Variants in GABBR2 observed in about 807,000 individuals in gnomAD.
The protein encoded by GABBR2 is gamma-aminobutyric acid type B receptor subunit 2, also known as G-protein coupled receptor 51.
In GABBR2, 23 loss-of-function variants were observed where a neutral mutation model predicts 105.6. The observed-to-expected ratio is 0.22, with a 90% CI of 0.16 to 0.31. The LOEUF (loss-of-function observed/expected upper bound fraction) is 0.31, where lower values mean the gene tolerates loss of function less well. GABBR2 is among the 10% of genes least tolerant of loss of function. The pLI is 1.00. For missense variants in GABBR2, 734 were observed against 1,245.5 expected (o/e 0.59, Z 6.18); for synonymous variants, 478 against 499.7 (o/e 0.96, Z 0.58).
At position 98,291,230 on chromosome 9, in the gene GABBR2, TAA is replaced by T. The variant is rs376117613; in HGVS notation, c.2661-483_2661-482del. Among the ~76,000 whole-genome samples, 191 of 152,300 alleles carry T rather than the reference TAA, an allele frequency of 1.3e-3. 1 individual carries two copies. Among genetic ancestry groups the T allele is most frequent in the African/African-American group, 4.5e-3 (186 of 41,542 alleles). ...ATCATCTAACACAAGGCCTATTTTA[TAA>T]AAAAGTGTTAAATATCTCATGCAAT... On this transcript the variant is annotated intron_variant, in intron 18 of 18. Coordinates refer to ENST00000259455, the MANE Select transcript of GABBR2 (RefSeq NM_005458.8).
At chr9:98,410,796 A>G (rs1267753309) in intron 7 of GABBR2, among the ~76,000 whole-genome samples, 1 of 152,126 alleles carries the variant, frequency 6.6e-6, no homozygotes, top group Non-Finnish European at 1.5e-5. Flanking sequence ...TCTGGTATCA[A>G]TCAACATCCA....
intron 6 of GABBR2, among the ~76,000 whole-genome samples, chr9:98,461,031 C>T (rs1204661588): frequency 6.6e-6 from 1 of 152,148 alleles, no homozygotes; most frequent in Non-Finnish European, 1.5e-5. Context: ...CATCTAAAAT[C>T]CTCTATCTAG....
At chr9:98,429,897 C>T (rs1279595291) in intron 7 of GABBR2, among the ~76,000 whole-genome samples, 2 of 152,238 alleles carry the variant, frequency 1.3e-5, no homozygotes, top group Non-Finnish European at 2.9e-5. Context: ...TCCAGCCACA[C>T]TGGCTTCCTT....
At chr9:98,572,902 T>C (rs1828852702) in intron 2 of GABBR2, among the ~76,000 whole-genome samples, 1 of 152,202 alleles carries the variant, frequency 6.6e-6, no homozygotes, top group Non-Finnish European at 1.5e-5. Context: ...CAGCCGTTGA[T>C]CCAGCCCCAG....
At chr9:98,426,283 A>G (rs1825682940) in intron 7 of GABBR2, among the ~76,000 whole-genome samples, 1 of 152,258 alleles carries the variant, frequency 6.6e-6, no homozygotes, top group African/African-American at 2.4e-5. Flanking sequence ...GACTTAAAGC[A>G]CAGAGTGGTG....
chr9:98,648,817 G>A (rs982202216), intron 1 of GABBR2, among the ~76,000 whole-genome samples: 1 of 152,206 alleles, frequency 6.6e-6, no homozygotes. Context: ...TCAGTCTGGT[G>A]TCCAGCCACA....
intron 17 of GABBR2, 115 bp from the exon 18 acceptor site, chr9:98,294,017 A>G (rs1830343334): frequency 1.4e-6 from 1 of 733,886 alleles, no homozygotes; most frequent in African/African-American, 1.7e-5. Flanking sequence ...AGAGCCCATT[A>G]TCCCTCTGTG....
intron 1 of GABBR2, among the ~76,000 whole-genome samples, chr9:98,669,751 A>G (rs10122306): frequency 0.93 from 141,127 of 152,090 alleles, 65,606 homozygotes; most frequent in Middle Eastern, 0.97. Flanking sequence ...TACATGTGGA[A>G]GACTATTGCT....
intron 1 of GABBR2, among the ~76,000 whole-genome samples, chr9:98,638,515 A>C (rs1440517081): frequency 6.6e-6 from 1 of 152,196 alleles, no homozygotes; most frequent in Non-Finnish European, 1.5e-5. Flanking sequence ...GGTTAAGATA[A>C]ATATTAAAAG....
chr9:98,658,149 ATAGTCAAG>A (rs1436876873), intron 1 of GABBR2, among the ~76,000 whole-genome samples: 1 of 152,212 alleles, frequency 6.6e-6, no homozygotes, highest in African/African-American at 2.4e-5. Flanking sequence ...TCATCCACCC[ATAGTCAAG>A]TGATTAATAA....
intron 2 of GABBR2, among the ~76,000 whole-genome samples, chr9:98,543,371 T>C (rs1828340428): frequency 6.6e-6 from 1 of 150,988 alleles, no homozygotes; most frequent in Non-Finnish European, 1.5e-5. Flanking sequence ...TATATATATT[T>C]ATTTATTATT....
chr9:98,576,845 T>C (rs907423035), intron 2 of GABBR2, among the ~76,000 whole-genome samples: 1 of 152,182 alleles, frequency 6.6e-6, no homozygotes, highest in Admixed American at 6.5e-5. Flanking sequence ...CTGTTCAGCA[T>C]TGTATCCCCA....
chr9:98,676,295 T>C lies in GABBR2; in HGVS notation c.321+32122A>G, dbSNP rs1365003922. ...CTCCCTTCAGAGCCTCCAGAAGGAA[T>C]CAGTCCTGACAAGCTTTTGACCTTA... On this transcript the variant is annotated intron_variant, in intron 1 of 18. Coordinates refer to ENST00000259455, the MANE Select transcript of GABBR2 (RefSeq NM_005458.8). Among the ~76,000 whole-genome samples the C allele has an allele frequency of 1.4e-4, 22 of 152,354 alleles. No individual in the cohort carries two copies. In the South Asian group the frequency reaches 3.1e-3, roughly 22 times the overall value.
intron 12 of GABBR2, among the ~76,000 whole-genome samples, chr9:98,369,903 G>A (rs564376494): frequency 2.0e-5 from 3 of 152,246 alleles, no homozygotes; most frequent in Non-Finnish European, 2.9e-5. Flanking sequence ...GGGAGGGAAC[G>A]CTTCCTCCAT....
intron 7 of GABBR2, among the ~76,000 whole-genome samples, chr9:98,448,631 T>C (rs1826178859): frequency 6.6e-6 from 1 of 152,018 alleles, no homozygotes; most frequent in African/African-American, 2.4e-5. Flanking sequence ...TTGCCCAGGC[T>C]GGTCACAAAC....
intron 2 of GABBR2, among the ~76,000 whole-genome samples, chr9:98,574,160 C>T: frequency 6.6e-6 from 1 of 152,288 alleles, no homozygotes; most frequent in East Asian, 1.9e-4. Flanking sequence ...GAGTTCCTGC[C>T]TTCCTCCAGA....
chr9:98,694,886 T>TG (rs1830729127), intron 1 of GABBR2, among the ~76,000 whole-genome samples: 1 of 152,228 alleles, frequency 6.6e-6, no homozygotes, highest in African/African-American at 2.4e-5. Flanking sequence ...GCATCAGCAT[T>TG]GGGTCACCCA....
chr9:98,477,093 T>C (rs1486718726), intron 5 of GABBR2, among the ~76,000 whole-genome samples: 1 of 152,168 alleles, frequency 6.6e-6, no homozygotes, highest in Non-Finnish European at 1.5e-5. Flanking sequence ...CCTCTGCCAG[T>C]TGGGGAGTTT....
chr9:98,616,513 G>C (rs1486488862), intron 1 of GABBR2, among the ~76,000 whole-genome samples: 1 of 152,198 alleles, frequency 6.6e-6, no homozygotes, highest in African/African-American at 2.4e-5. Context: ...CAACACTTTG[G>C]GAGGCCGAGG....
Sources: gnomAD v4.1 joint callset for allele counts (sites outside exome capture counted in the v4.1 genomes callset) on GRCh38, gnomAD v4.1.1 for gene constraint, MANE v1.5 for transcripts, NCBI Gene and HGNC (gene_info 2026-07-23, HGNC 2026-07-21) for gene names.